ATP11A: variants seen among roughly 807,000 people sequenced by gnomAD.
ATP11A encodes the protein ATPase phospholipid transporting 11A, also known as phospholipid-transporting ATPase IH.
A neutral mutation model predicts 154.4 loss-of-function variants in ATP11A; 81 were observed. The ratio of observed to expected loss-of-function variants is 0.52; its 90% confidence interval spans 0.44 to 0.63. ATP11A has a LOEUF of 0.63. Ranked by LOEUF, ATP11A falls within the 30% of genes least tolerant of loss-of-function variation. The probability of loss-of-function intolerance (pLI) is 0.00; values close to 1 mark genes in which losing one functional copy is unlikely to be tolerated. For synonymous variants in ATP11A, 623 were observed against 585.9 expected (o/e 1.06, Z -0.91); for missense variants, 1,316 against 1,474.3 (o/e 0.89, Z 1.76).
At chr13:112,791,899 G>A (rs1483685744) in intron 2 of ATP11A, among the ~76,000 whole-genome samples, 1 of 152,154 alleles carries the variant, frequency 6.6e-6, no homozygotes, top group Non-Finnish European at 1.5e-5. Flanking sequence ...TTCCTACCAG[G>A]AAGCCCTCAC....
At chr13:112,759,486 G>A (rs546506790) in intron 1 of ATP11A, among the ~76,000 whole-genome samples, 13 of 152,194 alleles carry the variant, frequency 8.5e-5, no homozygotes, top group Non-Finnish European at 1.6e-4. Context: ...TAACCTGAGC[G>A]ATGTAACAAA....
Position 112,810,623 on chromosome 13 carries a change from A to T in ATP11A, c.338A>T (p.Tyr113Phe), listed in dbSNP as rs751422667. Reference sequence around the variant, plus strand: ...TTCTTTCCTTCCTTTTTTTAGGGTTATGAAGACTGGCTTCGACATAAAGCA... The same window carrying T: ...TTCTTTCCTTCCTTTTTTTAGGGTTTTGAAGACTGGCTTCGACATAAAGCA... ...VITVTAIKQG[Y>F]EDWLRHKADN... The change falls in exon 5 of 30, where the codon TAT (tyrosine) becomes TTT (phenylalanine). Residue 113 changes from tyrosine (Y) to phenylalanine (F), a missense_variant. Transcript: ENST00000375645. The T allele has an allele frequency of 6.2e-6, 10 of 1,613,262 alleles. No homozygotes were observed. Among genetic ancestry groups the T allele is most frequent in the Admixed American group, 1.7e-5 (1 of 59,960 alleles).
At chr13:112,823,536 C>T (rs765565842) in intron 9 of ATP11A, 127 bp downstream of exon 9, 50 of 681,268 alleles carry the variant, frequency 7.3e-5, no homozygotes, top group African/African-American at 3.4e-4. Context: ...TTTCTGGCCG[C>T]GCAAGTTCTG....
chr13:112,731,945 G>C (rs548951058), intron 1 of ATP11A, among the ~76,000 whole-genome samples: 1 of 143,178 alleles, frequency 7.0e-6, no homozygotes, highest in Non-Finnish European at 1.5e-5. Flanking sequence ...GGCGGGGGGG[G>C]GCAGGTGGCC....
At chr13:112,857,604 C>G (rs2079966936) in intron 20 of ATP11A, among the ~76,000 whole-genome samples, 1 of 152,224 alleles carries the variant, frequency 6.6e-6, no homozygotes, top group Non-Finnish European at 1.5e-5. Flanking sequence ...AATCATACCT[C>G]ATTTCTTTTA....
intron 2 of ATP11A, among the ~76,000 whole-genome samples, chr13:112,795,829 G>A (rs1228455883): frequency 6.6e-6 from 1 of 152,214 alleles, no homozygotes; most frequent in Non-Finnish European, 1.5e-5. Context: ...GATCACATGT[G>A]TAATGTTTGC....
At position 112,873,516 on chromosome 13, in the gene ATP11A, C is replaced by T. The variant is rs114801966; in HGVS notation, c.3058-57C>T. 2,746 of 1,362,758 alleles carry T rather than the reference C, an allele frequency of 2.0e-3. 34 individuals are homozygous for T. In the African/African-American group the frequency reaches 0.027, roughly 13 times the overall value. 84.4% of individuals were successfully genotyped at this position (1,362,758 alleles called of 1,614,324 possible). ...CCCCGGCTCTCTGTCCTGCCCATCA[C>T]GATCATTCTCACTGCTCAGATGACA... On this transcript the variant is annotated intron_variant, in intron 26 of 29. Transcript: ENST00000375645.
chr13:112,754,948 C>T lies in ATP11A; in HGVS notation c.40-30187C>T, dbSNP rs2076782997. ...GAGCGCGTGTGCCTGACCTGCTCCG[C>T]GGTGGGCGCAGAGCTCCTGCCGAGG... On this transcript the variant is annotated intron_variant, in intron 1 of 29. Transcript: ENST00000375645. The surrounding 1 kb of genome is among the most constrained non-coding windows in gnomAD (Gnocchi z 5.3). Among the ~76,000 whole-genome samples, 2 of 152,222 alleles carry T rather than the reference C, an allele frequency of 1.3e-5. No individual in the cohort carries two copies. Among genetic ancestry groups the T allele is most frequent in the African/African-American group, 2.4e-5 (1 of 41,466 alleles).
chr13:112,707,337 C>A, intron 1 of ATP11A, among the ~76,000 whole-genome samples: 1 of 151,412 alleles, frequency 6.6e-6, no homozygotes, highest in South Asian at 2.1e-4. Context: ...CTTGCTTGAA[C>A]CCAGGAGACA....
intron 18 of ATP11A, among the ~76,000 whole-genome samples, chr13:112,852,067 G>A (rs1345383417): frequency 6.6e-6 from 1 of 152,154 alleles, no homozygotes; most frequent in African/African-American, 2.4e-5. Flanking sequence ...CTCCACAATG[G>A]GGACTGAAAG....
intron 6 of ATP11A, among the ~76,000 whole-genome samples, chr13:112,818,211 T>TTGGTGCGCTTGGTGACGGGGCAGTGACC (rs1566525946): frequency 6.8e-6 from 1 of 146,414 alleles, no homozygotes; most frequent in Admixed American, 6.7e-5. Context: ...GGGCAGTGAC[T>TTGGTGCGCTTGGTGACGGGGCAGTGACC]GTTGGTGCGC....
At chr13:112,758,579 A>G (rs2076896577) in intron 1 of ATP11A, among the ~76,000 whole-genome samples, 1 of 151,508 alleles carries the variant, frequency 6.6e-6, no homozygotes, top group Non-Finnish European at 1.5e-5. Context: ...GCCCGCCACC[A>G]TGCCCGGCTA....
chr13:112,708,540 A>G (rs1887405393), intron 1 of ATP11A, among the ~76,000 whole-genome samples: 1 of 152,266 alleles, frequency 6.6e-6, no homozygotes, highest in Admixed American at 6.5e-5. Context: ...AGAAAAGTAA[A>G]ACGTAAAAGG....
chr13:112,824,993 C>T (rs1259530151), intron 10 of ATP11A, among the ~76,000 whole-genome samples: 1 of 152,172 alleles, frequency 6.6e-6, no homozygotes, highest in Admixed American at 6.5e-5. Context: ...ATTTACTTTT[C>T]TCCCCCTCCT....
intron 1 of ATP11A, among the ~76,000 whole-genome samples, chr13:112,723,746 C>T (rs1024286742): frequency 3.3e-5 from 5 of 152,032 alleles, no homozygotes; most frequent in African/African-American, 7.2e-5. Flanking sequence ...TCCATTCAGT[C>T]GGAAGGGGCT....
intron 8 of ATP11A, among the ~76,000 whole-genome samples, chr13:112,821,123 G>A (rs1013377830): frequency 1.1e-4 from 17 of 152,104 alleles, no homozygotes; most frequent in Non-Finnish European, 7.4e-5. Flanking sequence ...TCTGTGTGCC[G>A]TGAGAATTAA....
intron 25 of ATP11A, among the ~76,000 whole-genome samples, chr13:112,865,460 A>G (rs1267271475): frequency 6.6e-6 from 1 of 152,120 alleles, no homozygotes; most frequent in African/African-American, 2.4e-5. Context: ...CCATCACCAC[A>G]TGTGCATAGC....
chr13:112,833,744 C>A (rs1485192935), intron 14 of ATP11A, among the ~76,000 whole-genome samples: 3 of 152,218 alleles, frequency 2.0e-5, no homozygotes, highest in Admixed American at 1.3e-4. Context: ...CCCTTCGTTC[C>A]ATGCGTAAAC....
At chr13:112,765,773 A>G (rs446186) in intron 1 of ATP11A, among the ~76,000 whole-genome samples, 36,297 of 152,248 alleles carry the variant, frequency 0.24, 6,259 homozygotes, top group African/African-American at 0.49. Context: ...GGAGCCTGCT[A>G]CAGTGGATCT....
Sources: gnomAD v4.1 joint callset for allele counts (sites outside exome capture counted in the v4.1 genomes callset) on GRCh38, gnomAD v4.1.1 for gene constraint, Gnocchi (gnomAD v3.1) non-coding constraint, MANE v1.5 for transcripts, NCBI Gene and HGNC (gene_info 2026-07-23, HGNC 2026-07-21) for gene names.